BMP5: variants seen among roughly 807,000 people sequenced by gnomAD.
BMP5 encodes the protein bone morphogenetic protein 5.
Under a neutral mutation model 46.6 loss-of-function variants are expected in BMP5, and 23 were observed. That is an observed-to-expected ratio of 0.49 (90% CI 0.35 to 0.70). The LOEUF is 0.70. BMP5 is among the 30% of genes least tolerant of loss of function. The pLI is 0.00. For synonymous variants in BMP5, 204 were observed against 191.9 expected (o/e 1.06, Z -0.52); for missense variants, 545 against 565.6 (o/e 0.96, Z 0.37).
chr6:55,867,004 A>G (rs1266055374), intron 1 of BMP5, among the ~76,000 whole-genome samples: 1 of 152,156 alleles, frequency 6.6e-6, no homozygotes, highest in Non-Finnish European at 1.5e-5. Context: ...CTAAACAACC[A>G]ATGTTTATTT....
chr6:55,778,734 G>A (rs563042480), intron 3 of BMP5, among the ~76,000 whole-genome samples: 1 of 152,086 alleles, frequency 6.6e-6, no homozygotes, highest in Admixed American at 6.6e-5. Flanking sequence ...AACAAAGATA[G>A]GATTGGACTG....
intron 2 of BMP5, among the ~76,000 whole-genome samples, chr6:55,815,743 C>T (rs1232425894): frequency 6.6e-6 from 1 of 152,006 alleles, no homozygotes; most frequent in African/African-American, 2.4e-5. Flanking sequence ...TATGAAGTCA[C>T]GTGAACTAAG....
chr6:55,874,341 A>G (rs1477215245), intron 1 of BMP5, 35 bp downstream of exon 1: 9 of 1,612,200 alleles, frequency 5.6e-6, no homozygotes, highest in Non-Finnish European at 6.8e-6. Flanking sequence ...TCCACTTTGT[A>G]ATAACATAGA....
intron 2 of BMP5, among the ~76,000 whole-genome samples, chr6:55,800,197 A>G (rs1044409155): frequency 2.0e-5 from 3 of 152,204 alleles, no homozygotes; most frequent in Non-Finnish European, 4.4e-5. Flanking sequence ...GTGATATATG[A>G]TTAAAAATGT....
chr6:55,785,198 T>C (rs1395595873), intron 3 of BMP5, among the ~76,000 whole-genome samples: 1 of 151,844 alleles, frequency 6.6e-6, no homozygotes, highest in Non-Finnish European at 1.5e-5. Context: ...AAGAACAAAT[T>C]GATATTGGCA....
chr6:55,846,675 G>A (rs1390545875), intron 1 of BMP5, among the ~76,000 whole-genome samples: 1 of 151,720 alleles, frequency 6.6e-6, no homozygotes, highest in Admixed American at 6.6e-5. Context: ...CTGAATGTCT[G>A]CTCTTTCATT....
intron 2 of BMP5, among the ~76,000 whole-genome samples, chr6:55,806,749 T>TTAC (rs1776000153): frequency 6.6e-6 from 1 of 152,010 alleles, no homozygotes; most frequent in African/African-American, 2.4e-5. Context: ...TTTCCTTGAG[T>TTAC]AGTAGTTTGT....
At chr6:55,819,608 T>C in intron 2 of BMP5, 47 bp downstream of exon 2, 2 of 1,497,212 alleles carry the variant, frequency 1.3e-6, no homozygotes, top group East Asian at 4.6e-5. Flanking sequence ...TTTACTAAAA[T>C]TTTACATATA....
intron 4 of BMP5, among the ~76,000 whole-genome samples, chr6:55,771,905 G>A (rs777133823): frequency 6.6e-6 from 1 of 151,738 alleles, no homozygotes; most frequent in East Asian, 1.9e-4. Flanking sequence ...AAATTTCACT[G>A]GCATTTCAAG....
At chr6:55,867,934 A>G (rs976993408) in intron 1 of BMP5, among the ~76,000 whole-genome samples, 1 of 152,192 alleles carries the variant, frequency 6.6e-6, no homozygotes, top group Non-Finnish European at 1.5e-5. Context: ...TATTTCTGCC[A>G]TGGAAGCACA....
rs987389666 is a variant in BMP5, at chr6:55,754,860, T to G, written c.*673A>C. ...GGCTCAAGCCTGTCTCCTGAAGCTTTGAGCTCTTTGCAAAATCTACAATCC... is the reference window on the plus strand; with the variant it reads ...GGCTCAAGCCTGTCTCCTGAAGCTTGGAGCTCTTTGCAAAATCTACAATCC... On this transcript the variant is annotated 3_prime_UTR_variant, in exon 7 of 7. Transcript: ENST00000370830. The G allele has an allele frequency of 6.6e-6, 1 of 152,060 alleles. No homozygotes were observed. Among genetic ancestry groups the G allele is most frequent in the Non-Finnish European group, 1.5e-5 (1 of 68,008 alleles). 9.4% of individuals were successfully genotyped at this position (152,060 alleles called of 1,614,324 possible).
intron 2 of BMP5, among the ~76,000 whole-genome samples, chr6:55,811,405 A>G (rs1046703651): frequency 3.3e-5 from 5 of 152,174 alleles, no homozygotes; most frequent in African/African-American, 9.7e-5. Context: ...TCTTTAGGGA[A>G]TACATAAATA....
chr6:55,849,628 C>T (rs1403463645), intron 1 of BMP5, among the ~76,000 whole-genome samples: 2 of 151,688 alleles, frequency 1.3e-5, no homozygotes, highest in Non-Finnish European at 2.9e-5. Context: ...AAGGGCTAGC[C>T]AAAATAGATA....
intron 1 of BMP5, among the ~76,000 whole-genome samples, chr6:55,855,033 A>C (rs1777351882): frequency 6.6e-6 from 1 of 152,052 alleles, no homozygotes; most frequent in African/African-American, 2.4e-5. Flanking sequence ...CCCTAAAATG[A>C]CAAATTTCCT....
At chr6:55,844,548 T>A (rs1777050513) in intron 1 of BMP5, among the ~76,000 whole-genome samples, 2 of 151,950 alleles carry the variant, frequency 1.3e-5, no homozygotes, top group Admixed American at 1.3e-4. Context: ...ATTTTATGAG[T>A]TCTACAAATT....
At chr6:55,854,960 A>G (rs922636030) in intron 1 of BMP5, among the ~76,000 whole-genome samples, 1 of 152,052 alleles carries the variant, frequency 6.6e-6, no homozygotes, top group Admixed American at 6.6e-5. Flanking sequence ...GCAGTTTTTC[A>G]TATTTTTAAA....
chr6:55,819,222 T>C (rs1776350902), intron 2 of BMP5, among the ~76,000 whole-genome samples: 1 of 152,146 alleles, frequency 6.6e-6, no homozygotes, highest in African/African-American at 2.4e-5. Flanking sequence ...GACATCAAAA[T>C]ACACATAAAA....
chr6:55,844,524 T>C (rs1305327380), intron 1 of BMP5, among the ~76,000 whole-genome samples: 2 of 152,118 alleles, frequency 1.3e-5, no homozygotes, highest in East Asian at 3.9e-4. Context: ...TAATGGATTT[T>C]TTTCTCGAGA....
rs1009542987 is a variant in BMP5, at chr6:55,773,941, G to C, written c.1027+108C>G. ...TAGAAACATCACTGGAAGATTTAATGTACCATCCGAAGGTATACATAGAGG... is the reference window on the plus strand; with the variant it reads ...TAGAAACATCACTGGAAGATTTAATCTACCATCCGAAGGTATACATAGAGG... On this transcript the variant is annotated intron_variant, in intron 4 of 6. Transcript: ENST00000370830. 8.4e-6 allele frequency: 10 copies of C among 1,185,078 alleles called. 1 individual carries two copies. The Admixed American group carries it at 1.7e-4, about 20-fold the overall frequency. The allele number at this position is 1,185,078 out of a possible 1,614,324, so 73.4% of individuals were successfully genotyped here.
Sources: gnomAD v4.1 joint callset for allele counts (sites outside exome capture counted in the v4.1 genomes callset) on GRCh38, gnomAD v4.1.1 for gene constraint, MANE v1.5 for transcripts, NCBI Gene and HGNC (gene_info 2026-07-23, HGNC 2026-07-21) for gene names.